OTUD7B: variants seen among roughly 807,000 people sequenced by gnomAD.
OTUD7B encodes OTU domain-containing protein 7B.
In OTUD7B, 34 loss-of-function variants were observed where a neutral mutation model predicts 82.2. That is an observed-to-expected ratio of 0.41 (90% CI 0.31 to 0.55). The LOEUF is 0.55. OTUD7B is among the 20% of genes least tolerant of loss of function. The pLI is 0.20. For missense variants in OTUD7B, 944 were observed against 1,062.1 expected, an observed-to-expected ratio of 0.89 and a Z score of 1.55; for synonymous variants, 398 against 402.7, an observed-to-expected ratio of 0.99 and a Z score of 0.14.
At chr1:150,006,461 T>C (rs1559869660) in intron 1 of OTUD7B, among the ~76,000 whole-genome samples, 1 of 151,924 alleles carries the variant, frequency 6.6e-6, no homozygotes, top group Admixed American at 6.6e-5. Flanking sequence ...TTCCTAAACC[T>C]CCATAGCACC....
intron 5 of OTUD7B, among the ~76,000 whole-genome samples, chr1:149,964,707 C>T (rs1277412691): frequency 6.6e-6 from 1 of 151,868 alleles, no homozygotes; most frequent in African/African-American, 2.4e-5. Flanking sequence ...GATTCTCCTG[C>T]TTCAGCCTCC....
chr1:149,987,416 C>T (rs1553781111), intron 1 of OTUD7B, among the ~76,000 whole-genome samples: 1 of 152,194 alleles, frequency 6.6e-6, no homozygotes, highest in African/African-American at 2.4e-5. Flanking sequence ...TATTTAAGGG[C>T]TGTGTAATCA....
At chr1:150,040,590 T>C in the OTUD7B span, among the ~76,000 whole-genome samples, 2 of 152,238 alleles carry the variant, frequency 1.3e-5, no homozygotes, top group Non-Finnish European at 2.9e-5. Flanking sequence ...CAGAAATATA[T>C]TGCAAATGTC....
the OTUD7B span, among the ~76,000 whole-genome samples, chr1:150,025,975 T>G: frequency 0.047 from 7,091 of 152,218 alleles, 578 homozygotes; most frequent in African/African-American, 0.16. Context: ...CTCTGGAGCT[T>G]GAATGGCCTT....
At chr1:150,036,710 C>T in the OTUD7B span, among the ~76,000 whole-genome samples, 3 of 152,054 alleles carry the variant, frequency 2.0e-5, no homozygotes, top group Admixed American at 6.6e-5. Context: ...CACAAAGGAG[C>T]GGATCTAGAA....
chr1:149,992,478 T>TTTTTG (rs1651649609), intron 1 of OTUD7B, among the ~76,000 whole-genome samples: 13 of 1,698 alleles, frequency 7.7e-3, no homozygotes, highest in Non-Finnish European at 0.057. Context: ...TTTTTTTTTT[T>TTTTTG]TTTTTTTTTT....
At chr1:149,992,714 C>T (rs1359629815) in intron 1 of OTUD7B, among the ~76,000 whole-genome samples, 1 of 152,012 alleles carries the variant, frequency 6.6e-6, no homozygotes, top group African/African-American at 2.4e-5. Flanking sequence ...TCAAGTGATC[C>T]ACCCGCCTCA....
intron 1 of OTUD7B, among the ~76,000 whole-genome samples, chr1:149,981,617 G>A (rs935359081): frequency 3.3e-5 from 5 of 151,884 alleles, no homozygotes; most frequent in Non-Finnish European, 7.4e-5. Flanking sequence ...GAGCCAAACA[G>A]TGGCCTTATT....
chr1:150,053,395 T>C, the OTUD7B span, among the ~76,000 whole-genome samples: 19,422 of 151,828 alleles, frequency 0.13, 1,415 homozygotes, highest in Non-Finnish European at 0.17. Flanking sequence ...CTTTCCCTTT[T>C]TTTTTCTTTT....
the OTUD7B span, among the ~76,000 whole-genome samples, chr1:150,022,429 A>AT: frequency 0.013 from 33 of 2,516 alleles, 13 homozygotes; most frequent in South Asian, 0.041. Context: ...AAAAATAACT[A>AT]CATGCTGAAG....
chr1:150,004,157 G>A (rs1186266443), intron 1 of OTUD7B, among the ~76,000 whole-genome samples: 6 of 151,694 alleles, frequency 4.0e-5, no homozygotes, highest in Admixed American at 3.3e-4. Flanking sequence ...ACTCTAACTC[G>A]GGCCTCATCA....
chr1:149,958,322 CTTTTTTT>C (rs34299927), intron 7 of OTUD7B, among the ~76,000 whole-genome samples: 12 of 86,394 alleles, frequency 1.4e-4, no homozygotes, highest in African/African-American at 2.7e-4. Flanking sequence ...AAAGGACTAC[CTTTTTTT>C]TTTTTTTTTT....
chr1:149,940,517 C>T lies in OTUD7B; in HGVS notation c.*3340G>A, dbSNP rs587766429. On this transcript the variant is annotated 3_prime_UTR_variant, in exon 12 of 12. Transcript: ENST00000581312. ...GCAGGGAGGGAGTAGCACTGTCTAACATCAAAAAGGGAAAAACAAGAACCC... is the reference window on the plus strand; with the variant it reads ...GCAGGGAGGGAGTAGCACTGTCTAATATCAAAAAGGGAAAAACAAGAACCC... The T allele has an allele frequency of 1.3e-5, 2 of 152,150 alleles. No individual in the cohort carries two copies. The highest frequency in any genetic ancestry group is 2.1e-4 in the South Asian group (1 of 4,824). The allele number at this position is 152,150 out of a possible 1,614,324, so 9.4% of individuals were successfully genotyped here.
chr1:150,055,384 C>CAAAAA, the OTUD7B span, among the ~76,000 whole-genome samples: 10 of 150,626 alleles, frequency 6.6e-5, no homozygotes, highest in African/African-American at 1.5e-4. Flanking sequence ...TAACTGATAA[C>CAAAAA]AAAAAAAAAT....
At chr1:149,984,611 T>C (rs192509084) in intron 1 of OTUD7B, among the ~76,000 whole-genome samples, 1 of 152,304 alleles carries the variant, frequency 6.6e-6, no homozygotes, top group African/African-American at 2.4e-5. Flanking sequence ...CAAATGTTCA[T>C]GACTCCAAAT....
chr1:150,019,591 T>C, the OTUD7B span, among the ~76,000 whole-genome samples: 1 of 152,130 alleles, frequency 6.6e-6, no homozygotes, highest in African/African-American at 2.4e-5. Flanking sequence ...GGCCTCGAAC[T>C]CCTGAACTCG....
chr1:149,997,043 A>G (rs1167849847), intron 1 of OTUD7B, among the ~76,000 whole-genome samples: 3 of 152,234 alleles, frequency 2.0e-5, no homozygotes, highest in Admixed American at 2.0e-4. Context: ...TCCAGGAAGC[A>G]GCTGAGTTCC....
intron 7 of OTUD7B, among the ~76,000 whole-genome samples, chr1:149,954,730 G>T (rs587772439): frequency 6.6e-6 from 1 of 152,188 alleles, no homozygotes; most frequent in South Asian, 2.1e-4. Flanking sequence ...AGGTGCTATT[G>T]GTCTATTCAG....
At chr1:149,985,836 C>T (rs587643551) in intron 1 of OTUD7B, among the ~76,000 whole-genome samples, 1 of 152,108 alleles carries the variant, frequency 6.6e-6, no homozygotes, top group African/African-American at 2.4e-5. Flanking sequence ...CCATTATTCC[C>T]TTCCTTGTAC....
Sources: gnomAD v4.1 joint callset for allele counts (sites outside exome capture counted in the v4.1 genomes callset) on GRCh38, gnomAD v4.1.1 for gene constraint, MANE v1.5 for transcripts, NCBI Gene and HGNC (gene_info 2026-07-23, HGNC 2026-07-21) for gene names.